ZBED6: variants seen among roughly 807,000 people sequenced by gnomAD.
The protein encoded by ZBED6 is zinc finger BED domain-containing protein 6.
In ZBED6, 40 loss-of-function variants were observed where a neutral mutation model predicts 58.4. The ratio of observed to expected loss-of-function variants is 0.68; its 90% CI spans 0.53 to 0.89. ZBED6 has a LOEUF of 0.89. Ranked by LOEUF, ZBED6 falls within the 40% of genes least tolerant of loss-of-function variation. The pLI is 0.00. For synonymous variants in ZBED6, 439 were observed against 350.6 expected (o/e 1.25, Z -2.82); for missense variants, 1,057 against 1,003.9 (o/e 1.05, Z -0.71).
intron 9 of ZBED6, 83 bp downstream of exon 9, chr1:203,833,936 G>T: frequency 6.7e-7 from 1 of 1,497,744 alleles, no homozygotes; most frequent in Admixed American, 2.1e-5. Flanking sequence ...TTTTTATACA[G>T]ATCTTTGTTA....
In ZBED6 at chr1:203,847,764, G is replaced by C. The variant is rs1364325151; in HGVS notation, c.*4245+77G>C. 1.7e-5 allele frequency: 26 copies of C among 1,534,060 alleles called. 1 individual carries two copies. The South Asian group carries it at 3.2e-4, about 19-fold the overall frequency. On this transcript the variant is annotated intron_variant, in intron 12 of 16. Coordinates refer to ENST00000550078, the Ensembl canonical transcript of ZBED6. ...GGAGTGTTCCGTGGGATCTTCCTAG[G>C]AGTTGTTTGACAACCTTTCTTTACT...
intron 3 of ZBED6, among the ~76,000 whole-genome samples, chr1:203,824,478 G>A (rs1679832473): frequency 6.6e-6 from 1 of 152,000 alleles, no homozygotes; most frequent in Admixed American, 6.6e-5. Flanking sequence ...TTGCGAATTT[G>A]CCTACTTGCT....
chr1:203,838,868 G>T (rs991843802), intron 10 of ZBED6, among the ~76,000 whole-genome samples: 1 of 148,732 alleles, frequency 6.7e-6, no homozygotes, highest in East Asian at 2.0e-4. Context: ...CAGGAGAATT[G>T]TGTGAACCTG....
At chr1:203,821,992 C>T (rs533607450) in intron 3 of ZBED6, among the ~76,000 whole-genome samples, 8 of 152,174 alleles carry the variant, frequency 5.3e-5, no homozygotes, top group Admixed American at 2.0e-4. Flanking sequence ...CTGCTGACCT[C>T]GTGATCCGCC....
intron 1 of ZBED6, among the ~76,000 whole-genome samples, chr1:203,808,979 C>T (rs537553000): frequency 9.2e-5 from 14 of 151,718 alleles, no homozygotes; most frequent in Middle Eastern, 3.4e-3. Flanking sequence ...TACAGGCATT[C>T]GCCACCACGC....
chr1:203,807,497 A>G (rs2365868), intron 1 of ZBED6, among the ~76,000 whole-genome samples: 149,404 of 151,706 alleles, frequency 0.98, 73,607 homozygotes, highest in East Asian at 1. Flanking sequence ...AATATATGTG[A>G]CACAAAGTTT....
At chr1:203,841,112 T>A (rs1419617289) in intron 11 of ZBED6, among the ~76,000 whole-genome samples, 3 of 152,110 alleles carry the variant, frequency 2.0e-5, no homozygotes, top group African/African-American at 7.2e-5. Flanking sequence ...ATACCACTTT[T>A]GACCTCCTGA....
chr1:203,796,816 T>C (rs1050721969), exon 1 of ZBED6: 5 of 181,032 alleles, frequency 2.8e-5, no homozygotes, highest in African/African-American at 1.2e-4. Flanking sequence ...TTTAACCTTG[T>C]TTTAAAATTT....
At chr1:203,825,720 T>C (rs985508960) in intron 3 of ZBED6, among the ~76,000 whole-genome samples, 3 of 152,086 alleles carry the variant, frequency 2.0e-5, no homozygotes, top group African/African-American at 7.2e-5. Flanking sequence ...CCACCACGCC[T>C]GGCATGTGGA....
intron 11 of ZBED6, among the ~76,000 whole-genome samples, chr1:203,842,534 C>T (rs1002558108): frequency 2.0e-5 from 3 of 151,482 alleles, no homozygotes; most frequent in Non-Finnish European, 4.4e-5. Flanking sequence ...TTGCAGTGAG[C>T]CGAGATGGCA....
In ZBED6 at chr1:203,835,867, A is replaced by G. The variant is rs12074051; in HGVS notation, c.*3573+2014A>G. On this transcript the variant is annotated intron_variant, in intron 9 of 16. Coordinates refer to ENST00000550078, the Ensembl canonical transcript of ZBED6. ...TGCTCCCTTTTTTTCCGGAGACCCC[A>G]CTTATAGCCAGCAAAAATGCCCTTG... 3.0e-3 allele frequency: 732 copies of G among 244,594 alleles called. 11 individuals carry two copies. The highest frequency in any genetic ancestry group is 0.016 in the African/African-American group (674 of 43,246). 15.2% of individuals were successfully genotyped at this position (244,594 alleles called of 1,614,324 possible). A position where few individuals can be genotyped will look rare whatever the true frequency, so the allele number is the denominator to read the frequency against.
At chr1:203,849,752 A>G in exon 14 of ZBED6, 1 of 1,614,000 alleles carries the variant, frequency 6.2e-7, no homozygotes, top group Non-Finnish European at 8.5e-7. Context: ...CTAAAATTCA[A>G]GTCAAGAGAT....
At chr1:203,795,882 C>T (rs1035126332) in exon 1 of ZBED6, 1 of 151,894 alleles carries the variant, frequency 6.6e-6, no homozygotes, top group Non-Finnish European at 1.5e-5. Flanking sequence ...GGCCTCCCCT[C>T]GCCCCTGGGT....
intron 16 of ZBED6, among the ~76,000 whole-genome samples, chr1:203,851,669 A>C (rs537791755): frequency 4.5e-4 from 69 of 152,024 alleles, no homozygotes; most frequent in African/African-American, 1.6e-3. Flanking sequence ...AGTTATAAAA[A>C]TGCTTGGTGC....
At chr1:203,822,258 T>C (rs1038084369) in intron 3 of ZBED6, among the ~76,000 whole-genome samples, 1 of 152,158 alleles carries the variant, frequency 6.6e-6, no homozygotes, top group Admixed American at 6.6e-5. Context: ...ACCAATATTG[T>C]GTCACAGCTT....
At chr1:203,826,153 A>G (rs1430733265) in intron 3 of ZBED6, among the ~76,000 whole-genome samples, 3 of 152,188 alleles carry the variant, frequency 2.0e-5, no homozygotes, top group African/African-American at 7.2e-5. Context: ...AGTGGTAGCT[A>G]TTACATCTAC....
At chr1:203,838,272 G>A (rs528659733) in intron 10 of ZBED6, among the ~76,000 whole-genome samples, 3 of 152,162 alleles carry the variant, frequency 2.0e-5, no homozygotes, top group Non-Finnish European at 2.9e-5. Flanking sequence ...CTCCTCAGGA[G>A]CTTATAGTAT....
At chr1:203,849,845 C>A (rs41299639) in exon 14 of ZBED6, 317,861 of 1,613,696 alleles carry the variant, frequency 0.2, 32,139 homozygotes, top group Middle Eastern at 0.27. Context: ...GAGATGTAGC[C>A]TCTTGCAATA....
At chr1:203,808,073 C>CT (rs1014995160) in intron 1 of ZBED6, among the ~76,000 whole-genome samples, 2 of 151,912 alleles carry the variant, frequency 1.3e-5, no homozygotes, top group African/African-American at 4.8e-5. Flanking sequence ...TTATTGAGTA[C>CT]TTTTTTGTAA....
Sources: gnomAD v4.1 joint callset for allele counts (sites outside exome capture counted in the v4.1 genomes callset) on GRCh38, gnomAD v4.1.1 for gene constraint, MANE v1.5 for transcripts, NCBI Gene and HGNC (gene_info 2026-07-23, HGNC 2026-07-21) for gene names.